Variants in PTPRD observed in about 807,000 individuals in gnomAD.
The protein encoded by PTPRD is receptor-type tyrosine-protein phosphatase delta.
In PTPRD, 34 loss-of-function variants were observed where a neutral mutation model predicts 214.5. The ratio of observed to expected loss-of-function variants is 0.16; its 90% CI spans 0.12 to 0.21. The LOEUF (loss-of-function observed/expected upper bound fraction) is 0.21, where lower values mean the gene tolerates loss of function less well. Among genes scored for constraint, PTPRD ranks in the 10% least tolerant of loss-of-function variants. The pLI is 1.00. For missense variants in PTPRD, 2,545 were observed against 2,398.7 expected, an observed-to-expected ratio of 1.06 and a Z score of -1.27; for synonymous variants, 1,128 against 845.7, an observed-to-expected ratio of 1.33 and a Z score of -5.79.
chr9:9,669,198 C>G lies in PTPRD; in HGVS notation c.-287+65335G>C, dbSNP rs548197002. 2.5e-3 allele frequency among the ~76,000 whole-genome samples: 378 copies of G among 152,152 alleles called. 2 individuals carry two copies. The highest frequency in any genetic ancestry group is 8.5e-3 in the African/African-American group (354 of 41,524). On this transcript the variant is annotated intron_variant, in intron 7 of 45. Coordinates refer to ENST00000381196, the MANE Select transcript of PTPRD (RefSeq NM_002839.4). ...TGCTGCTATAAAGACACATGCACAA[C>G]TATGTTTATTGCAGCACTATTCACA...
At chr9:9,408,642 T>C (rs909752477) in intron 8 of PTPRD, among the ~76,000 whole-genome samples, 1 of 151,892 alleles carries the variant, frequency 6.6e-6, no homozygotes, top group Non-Finnish European at 1.5e-5. Context: ...TTAAGAGGCA[T>C]TATATTAAGG....
intron 12 of PTPRD, among the ~76,000 whole-genome samples, chr9:8,720,228 T>G (rs1028739534): frequency 3.3e-5 from 5 of 152,142 alleles, no homozygotes; most frequent in Non-Finnish European, 5.9e-5. Flanking sequence ...CTGCAACAGG[T>G]GTGGGCTGGC....
At chr9:9,403,753 C>A (rs1048302588) in intron 8 of PTPRD, among the ~76,000 whole-genome samples, 9 of 151,820 alleles carry the variant, frequency 5.9e-5, no homozygotes, top group African/African-American at 1.9e-4. Flanking sequence ...GTTTTGTATT[C>A]TATTTTAGGC....
chr9:10,126,432 C>T (rs1317997026), intron 3 of PTPRD, among the ~76,000 whole-genome samples: 3,493 of 97,210 alleles, frequency 0.036, 73 homozygotes, highest in African/African-American at 0.085. Context: ...TATATACACA[C>T]ACACACACAC....
intron 9 of PTPRD, among the ~76,000 whole-genome samples, chr9:9,359,623 G>A (rs557064639): frequency 6.6e-6 from 1 of 151,238 alleles, no homozygotes; most frequent in Non-Finnish European, 1.5e-5. Context: ...ATGGAGATGT[G>A]GTATGAAATC....
chr9:10,178,513 T>G (rs1350598693), intron 3 of PTPRD, among the ~76,000 whole-genome samples: 1 of 151,862 alleles, frequency 6.6e-6, no homozygotes, highest in Non-Finnish European at 1.5e-5. Context: ...AAGAGAAAAC[T>G]GGATATGAAA....
In PTPRD at chr9:8,335,651, G is replaced by C. The variant is rs544247360; in HGVS notation, c.5379+3271C>G. Reference sequence around the variant, plus strand: ...TTGGAAGTTCTGGCCAGGGCAATCAGGCAAGAGAAAGAAGTAACGGGTATT... The same window carrying C: ...TTGGAAGTTCTGGCCAGGGCAATCACGCAAGAGAAAGAAGTAACGGGTATT... On this transcript the variant is annotated intron_variant, in intron 43 of 45. Transcript: ENST00000381196. 5.3e-5 allele frequency among the ~76,000 whole-genome samples: 8 copies of C among 152,276 alleles called. No individual in the cohort carries two copies. The East Asian group carries it at 1.5e-3, about 29-fold the overall frequency.
At chr9:8,495,037 T>TAA (rs143818013) in intron 26 of PTPRD, among the ~76,000 whole-genome samples, 2 of 151,752 alleles carry the variant, frequency 1.3e-5, no homozygotes, top group African/African-American at 4.8e-5. Flanking sequence ...TCTCTAATCT[T>TAA]AAAAAAGAAA....
chr9:10,049,906 A>AG lies in PTPRD; in HGVS notation c.-544-16117_-544-16116insC, dbSNP rs542331096. ...TAGTCAAGTTTCATTGTAGGGTAGC[A>AG]TGACCTGTCTCAGAATCTAGTCAAT... On this transcript the variant is annotated intron_variant, in intron 3 of 45. Transcript: ENST00000381196. Among the ~76,000 whole-genome samples the AG allele has an allele frequency of 2.0e-5, 3 of 152,312 alleles. No individual in the cohort carries two copies. The South Asian group carries it at 6.2e-4, about 32-fold the overall frequency.
intron 2 of PTPRD, among the ~76,000 whole-genome samples, chr9:10,549,815 GATT>G (rs1286937792): frequency 6.6e-6 from 1 of 151,318 alleles, no homozygotes; most frequent in Admixed American, 6.6e-5. Context: ...GTTTTAAAAA[GATT>G]TTTTTTTAAT....
intron 4 of PTPRD, among the ~76,000 whole-genome samples, chr9:9,965,599 T>A (rs2094630081): frequency 6.6e-6 from 1 of 152,192 alleles, no homozygotes; most frequent in African/African-American, 2.4e-5. Flanking sequence ...TATTTTTCTG[T>A]TCTATTACCT....
intron 2 of PTPRD, among the ~76,000 whole-genome samples, chr9:10,556,909 T>C (rs184846963): frequency 5.4e-4 from 82 of 152,096 alleles, no homozygotes; most frequent in African/African-American, 1.9e-3. Flanking sequence ...TTAGAAACGT[T>C]GAAAAAATAA....
chr9:8,355,565 A>C (rs1206450696), intron 39 of PTPRD, among the ~76,000 whole-genome samples: 2 of 152,348 alleles, frequency 1.3e-5, no homozygotes, highest in South Asian at 2.1e-4. Flanking sequence ...ATGCAGAATA[A>C]TACTAGAAGA....
At chr9:8,553,607 G>A (rs1419084110) in intron 14 of PTPRD, among the ~76,000 whole-genome samples, 3 of 152,142 alleles carry the variant, frequency 2.0e-5, no homozygotes, top group African/African-American at 4.8e-5. Flanking sequence ...GGGAACTGGA[G>A]TATACCTTTA....
At position 9,002,783 on chromosome 9, in the gene PTPRD, G is replaced by A. The variant is rs533230415; in HGVS notation, c.-104+15914C>T. Among the ~76,000 whole-genome samples, 5 of 152,130 alleles carry A rather than the reference G, an allele frequency of 3.3e-5. No homozygotes were observed. The East Asian group carries it at 9.7e-4, about 29-fold the overall frequency. ...TCTAGGAATTGAGGAAGTTGTTCTT[G>A]CTTGACCAGCTCTTTCCAGGAGATT... On this transcript the variant is annotated intron_variant, in intron 11 of 45. Coordinates refer to ENST00000381196, the MANE Select transcript of PTPRD (RefSeq NM_002839.4).
chr9:10,156,635 G>A (rs550678567), intron 3 of PTPRD, among the ~76,000 whole-genome samples: 72 of 152,294 alleles, frequency 4.7e-4, no homozygotes, highest in African/African-American at 1.7e-3. Flanking sequence ...GAGTTGTGTA[G>A]ATGTCTATCA....
intron 11 of PTPRD, among the ~76,000 whole-genome samples, chr9:8,899,217 T>C (rs1466376408): frequency 6.6e-6 from 1 of 152,160 alleles, no homozygotes; most frequent in Non-Finnish European, 1.5e-5. Context: ...GCACCGTAAT[T>C]ATCATTTCTG....
intron 9 of PTPRD, among the ~76,000 whole-genome samples, chr9:9,371,336 G>A (rs146892842): frequency 3.9e-5 from 6 of 151,984 alleles, no homozygotes; most frequent in East Asian, 1.9e-4. Flanking sequence ...CTGGTTTAGC[G>A]TTGGGAGGTT....
intron 36 of PTPRD, among the ~76,000 whole-genome samples, chr9:8,401,185 G>A (rs1392903575): frequency 6.9e-6 from 1 of 145,468 alleles, no homozygotes; most frequent in Non-Finnish European, 1.5e-5. Context: ...TTTTTTTCCA[G>A]ATGGGGTCTG....
Sources: allele counts gnomAD v4.1 joint callset (sites outside exome capture counted in the v4.1 genomes callset), GRCh38; gene constraint gnomAD v4.1.1; transcripts MANE v1.5; gene names NCBI Gene and HGNC (gene_info 2026-07-23, HGNC 2026-07-21).